The following DGKB variants were observed in gnomAD, a reference collection of about 807,000 sequenced individuals.
DGKB encodes 90 kDa diacylglycerol kinase.
Under a neutral mutation model 114.3 loss-of-function variants are expected in DGKB, and 67 were observed. The observed-to-expected ratio is 0.59, with a 90% CI of 0.48 to 0.72. The LOEUF (loss-of-function observed/expected upper bound fraction) is 0.72. Ranked by LOEUF, DGKB falls within the 30% of genes least tolerant of loss-of-function variation. DGKB has a pLI of 0.00. For missense variants in DGKB, 907 were observed against 975.2 expected (o/e 0.93, Z 0.93); for synonymous variants, 398 against 323.1 (o/e 1.23, Z -2.49).
At chr7:14,273,176 C>T (rs542720987) in intron 23 of DGKB, among the ~76,000 whole-genome samples, 1 of 152,106 alleles carries the variant, frequency 6.6e-6, no homozygotes, top group South Asian at 2.1e-4. Flanking sequence ...GAAACCCCAA[C>T]TCTACAAAAA....
In DGKB at chr7:14,682,624, C is replaced by G. The variant is rs756902041; in HGVS notation, c.964G>C (p.Asp322His). 5.0e-6 allele frequency: 8 copies of G among 1,613,590 alleles called. No homozygotes were observed. Among genetic ancestry groups the G allele is most frequent in the Non-Finnish European group, 6.8e-6 (8 of 1,179,632 alleles). Residue 322 changes from aspartate (D) to histidine (H), a missense_variant, in exon 12 of 26, where the codon GAT (aspartate) becomes CAT (histidine). By Grantham distance (81) the Asp-to-His change is moderately conservative. Around this residue, in one of 3 missense-constraint regions of DGKB, gnomAD observed 814 missense variants for 856.6 expected, o/e 0.95. Transcript: ENST00000402815. ...WVEGNCPTKC[D>H]KCHKTVKCYQ... ...CATTTAACAGTTTTGTGGCACTTAT[C>G]ACACTTGGTTGGGCAGTTACCTTCA...
At chr7:14,738,852 C>T (rs1832127644) in intron 4 of DGKB, among the ~76,000 whole-genome samples, 1 of 152,126 alleles carries the variant, frequency 6.6e-6, no homozygotes, top group South Asian at 2.1e-4. Context: ...ATAATTATAC[C>T]TTAAAACAGC....
chr7:14,672,845 T>C, intron 13 of DGKB, 84 bp downstream of exon 13: 1 of 744,372 alleles, frequency 1.3e-6, no homozygotes, highest in East Asian at 2.8e-5. Context: ...GATGAAAAAT[T>C]ATCTCTAGAA....
At chr7:14,488,842 C>CAAAA (rs779997674) in intron 20 of DGKB, among the ~76,000 whole-genome samples, 1 of 85,772 alleles carries the variant, frequency 1.2e-5, no homozygotes, top group African/African-American at 5.2e-5. Context: ...CAAAAAAAAA[C>CAAAA]AAAAAAAAAC....
At chr7:14,374,637 C>T (rs775965024) in intron 21 of DGKB, among the ~76,000 whole-genome samples, 1 of 152,110 alleles carries the variant, frequency 6.6e-6, no homozygotes, top group South Asian at 2.1e-4. Context: ...TCTTAACAAC[C>T]CTTTGGTATG....
chr7:14,495,796 C>T (rs1785221057), intron 20 of DGKB, among the ~76,000 whole-genome samples: 1 of 151,570 alleles, frequency 6.6e-6, no homozygotes, highest in Admixed American at 6.6e-5. Flanking sequence ...ACAAAGATTC[C>T]CAAGACAAAA....
chr7:14,660,767 C>T (rs1816891999), intron 13 of DGKB, among the ~76,000 whole-genome samples: 2 of 152,044 alleles, frequency 1.3e-5, no homozygotes, highest in African/African-American at 4.8e-5. Flanking sequence ...GCCAAAAGAA[C>T]AAAGCTGGAG....
chr7:14,243,376 G>A (rs940176860), intron 23 of DGKB, among the ~76,000 whole-genome samples: 1 of 152,100 alleles, frequency 6.6e-6, no homozygotes, highest in Non-Finnish European at 1.5e-5. Flanking sequence ...GTGAGTAAGT[G>A]ATAAAAACTT....
chr7:14,600,058 G>T (rs888143672), intron 17 of DGKB, among the ~76,000 whole-genome samples: 1 of 152,130 alleles, frequency 6.6e-6, no homozygotes, highest in African/African-American at 2.4e-5. Context: ...ATTTCTGGAG[G>T]CTGGGAAGTC....
chr7:14,469,568 G>A (rs2128884117), intron 21 of DGKB, among the ~76,000 whole-genome samples: 1 of 152,046 alleles, frequency 6.6e-6, no homozygotes, highest in African/African-American at 2.4e-5. Context: ...TAAACAGCCT[G>A]GATACAGAAG....
At chr7:14,313,687 C>A (rs7787256) in intron 23 of DGKB, among the ~76,000 whole-genome samples, 1 of 151,818 alleles carries the variant, frequency 6.6e-6, no homozygotes, top group African/African-American at 2.4e-5. Context: ...AACTGCAAGG[C>A]GGCAGCGAGG....
chr7:14,694,465 T>G (rs1362583112), intron 8 of DGKB, among the ~76,000 whole-genome samples: 1 of 152,216 alleles, frequency 6.6e-6, no homozygotes, highest in African/African-American at 2.4e-5. Context: ...GAAGAATCTT[T>G]AATAAGTGTG....
chr7:14,910,313 A>AGAAC lies in DGKB; in HGVS notation c.-188+64379_-188+64382dup, dbSNP rs947900982. On this transcript the variant is annotated intron_variant, in intron 1 of 4. Coordinates refer to the DGKB transcript ENST00000437998. Reference sequence around the variant, plus strand: ...AAGAAAGAAAGAAAGAAAGAAAGAAAGAACCTTATATATTAGGAGAAGGCA... The same window carrying AGAAC: ...AAGAAAGAAAGAAAGAAAGAAAGAAAGAACGAACCTTATATATTAGGAGAAGGCA... Among the ~76,000 whole-genome samples, 16 of 144,480 alleles carry AGAAC rather than the reference A, an allele frequency of 1.1e-4. No individual in the cohort carries two copies. The South Asian group carries it at 1.3e-3, about 12-fold the overall frequency. 94.8% of individuals were successfully genotyped at this position (144,480 alleles called of 152,430 possible).
At chr7:14,735,401 C>T (rs995180818) in intron 5 of DGKB, among the ~76,000 whole-genome samples, 2 of 152,162 alleles carry the variant, frequency 1.3e-5, no homozygotes, top group Non-Finnish European at 2.9e-5. Flanking sequence ...CATCACCTGT[C>T]TTCTCTTTTT....
chr7:14,944,265 G>C (rs1785737325), intron 1 of DGKB, among the ~76,000 whole-genome samples: 1 of 151,870 alleles, frequency 6.6e-6, no homozygotes, highest in Admixed American at 6.6e-5. Flanking sequence ...ATAGATCCAG[G>C]AATACGAATT....
chr7:14,555,821 T>C (rs1795788467), intron 20 of DGKB, among the ~76,000 whole-genome samples: 4 of 152,144 alleles, frequency 2.6e-5, no homozygotes, highest in Admixed American at 2.0e-4. Context: ...GCCAGCACCA[T>C]TACAGTTGAC....
At chr7:14,481,481 T>C (rs1202899460) in intron 20 of DGKB, among the ~76,000 whole-genome samples, 1 of 151,980 alleles carries the variant, frequency 6.6e-6, no homozygotes, top group Non-Finnish European at 1.5e-5. Flanking sequence ...TCTTTTATTC[T>C]GTTTAAATAA....
At chr7:14,834,151 T>C (rs1207858205) in intron 2 of DGKB, among the ~76,000 whole-genome samples, 3 of 152,174 alleles carry the variant, frequency 2.0e-5, no homozygotes, top group Non-Finnish European at 2.9e-5. Flanking sequence ...GGATAAAGTA[T>C]CAACTTAAGA....
chr7:14,754,009 C>T (rs1031497934), intron 3 of DGKB, 61 bp from the exon 4 acceptor site: 3 of 1,122,190 alleles, frequency 2.7e-6, no homozygotes, highest in Non-Finnish European at 3.9e-6. Flanking sequence ...TACTCATTAT[C>T]TCATATCTCT....
Sources: gnomAD v4.1 joint callset for allele counts (sites outside exome capture counted in the v4.1 genomes callset) on GRCh38, gnomAD v4.1.1 for gene constraint, gnomAD v4.1.1 regional missense constraint, MANE v1.5 for transcripts, NCBI Gene and HGNC (gene_info 2026-07-23, HGNC 2026-07-21) for gene names.